The following SKIC3 variants were observed in gnomAD, a reference collection of about 807,000 sequenced individuals.
SKIC3 encodes the protein SKI3 subunit of superkiller complex, also known as superkiller complex protein 3.
the SKIC3 span, among the ~76,000 whole-genome samples, chr5:95,492,682 A>T: frequency 2.1e-5 from 3 of 140,314 alleles, no homozygotes; most frequent in Non-Finnish European, 4.6e-5. Flanking sequence ...AAAAAAAAAA[A>T]AAAAAAACAA....
the SKIC3 span, among the ~76,000 whole-genome samples, chr5:95,488,531 C>T: frequency 6.6e-6 from 1 of 152,194 alleles, no homozygotes; most frequent in African/African-American, 2.4e-5. Context: ...ATAATATATC[C>T]AAACTGCTGA....
chr5:95,540,600 A>G, the SKIC3 span: 7 of 1,520,240 alleles, frequency 4.6e-6, no homozygotes, highest in Non-Finnish European at 6.3e-6. Context: ...TGGAAATTAA[A>G]ATGACAATGA....
At chr5:95,498,867 C>T in the SKIC3 span, among the ~76,000 whole-genome samples, 49 of 152,238 alleles carry the variant, frequency 3.2e-4, 1 homozygote, top group East Asian at 7.3e-3. Flanking sequence ...CCTCGTGATC[C>T]GCCCATCTCG....
chr5:95,503,380 C>G, the SKIC3 span, among the ~76,000 whole-genome samples: 1 of 152,194 alleles, frequency 6.6e-6, no homozygotes, highest in African/African-American at 2.4e-5. Context: ...TTTCAATGCT[C>G]TATACACATG....
At chr5:95,516,077 A>C in the SKIC3 span, among the ~76,000 whole-genome samples, 182 of 152,312 alleles carry the variant, frequency 1.2e-3, no homozygotes, top group African/African-American at 4.3e-3. Context: ...AAAAATGCTG[A>C]ATTGATTCAG....
chr5:95,469,816 T>C, the SKIC3 span: 40 of 1,614,052 alleles, frequency 2.5e-5, 2 homozygotes, highest in South Asian at 4.4e-4. Context: ...TAACAAAGCT[T>C]GTAAAAGAAC....
chr5:95,517,842 G>C, the SKIC3 span, among the ~76,000 whole-genome samples: 3 of 152,052 alleles, frequency 2.0e-5, no homozygotes, highest in African/African-American at 7.2e-5. Context: ...ACCTTTAAGA[G>C]GTGATGATGT....
the SKIC3 span, among the ~76,000 whole-genome samples, chr5:95,544,352 A>G: frequency 6.6e-6 from 1 of 152,160 alleles, no homozygotes; most frequent in African/African-American, 2.4e-5. Context: ...TTTACCTACC[A>G]TCGTCACTCA....
chr5:95,480,470 T>C, the SKIC3 span, among the ~76,000 whole-genome samples: 3 of 152,172 alleles, frequency 2.0e-5, no homozygotes, highest in Admixed American at 6.5e-5. Context: ...TGTCATTAGA[T>C]ATCAGGTAAA....
At chr5:95,468,443 C>T in the SKIC3 span, among the ~76,000 whole-genome samples, 1 of 152,132 alleles carries the variant, frequency 6.6e-6, no homozygotes, top group African/African-American at 2.4e-5. Context: ...GTCTACATTA[C>T]AGGCTATGTA....
the SKIC3 span, chr5:95,503,811 T>A: frequency 6.2e-6 from 10 of 1,613,714 alleles, no homozygotes; most frequent in Non-Finnish European, 8.5e-6. Context: ...GCAATATACT[T>A]ACCTTTGCTG....
At chr5:95,516,638 T>C in the SKIC3 span, 15 of 1,613,134 alleles carry the variant, frequency 9.3e-6, no homozygotes, top group East Asian at 3.1e-4. Context: ...ATACACAATC[T>C]TCTAAAAATA....
At chr5:95,504,798 C>G in the SKIC3 span, among the ~76,000 whole-genome samples, 1 of 151,962 alleles carries the variant, frequency 6.6e-6, no homozygotes, top group Non-Finnish European at 1.5e-5. Flanking sequence ...GTCAGGAGTT[C>G]AAGACCAACC....
chr5:95,514,476 G>A, the SKIC3 span, among the ~76,000 whole-genome samples: 5 of 152,098 alleles, frequency 3.3e-5, no homozygotes, highest in Non-Finnish European at 7.4e-5. Context: ...CTTTGTAAAT[G>A]TGCATTTTCT....
At chr5:95,545,747 G>A in the SKIC3 span, among the ~76,000 whole-genome samples, 1 of 152,212 alleles carries the variant, frequency 6.6e-6, no homozygotes, top group East Asian at 1.9e-4. Flanking sequence ...ACTAAAAATA[G>A]CCTTCTTGTT....
At chr5:95,468,073 C>T in the SKIC3 span, 3 of 1,547,296 alleles carry the variant, frequency 1.9e-6, no homozygotes, top group East Asian at 2.3e-5. Context: ...CACACATTAT[C>T]TTTCTCATAT....
chr5:95,507,014 T>TAAA, the SKIC3 span: 2 of 1,293,420 alleles, frequency 1.5e-6, no homozygotes, highest in Non-Finnish European at 2.1e-6. Flanking sequence ...AAATTGCCCT[T>TAAA]AAAAAAAAAA....
chr5:95,506,955 C>T, the SKIC3 span: 1 of 1,613,208 alleles, frequency 6.2e-7, no homozygotes, highest in South Asian at 1.1e-5. Flanking sequence ...GCCGTAATTT[C>T]TTATTGCAAC....
chr5:95,524,126 T>C, the SKIC3 span, among the ~76,000 whole-genome samples: 2 of 152,158 alleles, frequency 1.3e-5, no homozygotes, highest in African/African-American at 4.8e-5. Context: ...GATAAGAATG[T>C]AGGACTTATA....
Sources: allele counts gnomAD v4.1 joint callset (sites outside exome capture counted in the v4.1 genomes callset), GRCh38; gene constraint gnomAD v4.1.1; transcripts MANE v1.5; gene names NCBI Gene and HGNC (gene_info 2026-07-23, HGNC 2026-07-21).